Variants in AGBL4 observed in about 807,000 individuals in gnomAD.
The protein encoded by AGBL4 is cytosolic carboxypeptidase 6.
A neutral mutation model predicts 66.4 loss-of-function variants in AGBL4; 58 were observed. The observed-to-expected ratio is 0.87, with a 90% CI of 0.71 to 1.09. The LOEUF is 1.09. Among genes scored for constraint, AGBL4 ranks in the 50% least tolerant of loss-of-function variants. The pLI is 0.00. For missense variants in AGBL4, 579 were observed against 631.0 expected (o/e 0.92, Z 0.88); for synonymous variants, 234 against 222.9 (o/e 1.05, Z -0.44).
intron 3 of AGBL4, among the ~76,000 whole-genome samples, chr1:49,685,860 G>A (rs1196247400): frequency 4.6e-5 from 7 of 152,140 alleles, no homozygotes. Context: ...TGTTTACACT[G>A]CTGATGGTGT....
At chr1:49,621,225 T>C (rs1645354264) in intron 3 of AGBL4, among the ~76,000 whole-genome samples, 1 of 152,184 alleles carries the variant, frequency 6.6e-6, no homozygotes, top group Non-Finnish European at 1.5e-5. Flanking sequence ...AAGGGTACAC[T>C]CACCAGCAGT....
chr1:48,594,751 T>C (rs759096442), intron 9 of AGBL4, among the ~76,000 whole-genome samples: 1 of 152,180 alleles, frequency 6.6e-6, no homozygotes, highest in African/African-American at 2.4e-5. Flanking sequence ...ATTTATTGAA[T>C]TGTGCATCTC....
chr1:49,364,768 G>A (rs980542167), intron 3 of AGBL4, among the ~76,000 whole-genome samples: 1 of 152,162 alleles, frequency 6.6e-6, no homozygotes, highest in Admixed American at 6.6e-5. Flanking sequence ...GTGAGCCACC[G>A]TGCCGGGCCC....
At chr1:49,493,764 T>C (rs1647281065) in intron 3 of AGBL4, among the ~76,000 whole-genome samples, 2 of 152,026 alleles carry the variant, frequency 1.3e-5, no homozygotes, top group Non-Finnish European at 2.9e-5. Context: ...TTTGAATTGT[T>C]TTTGTATCAT....
At chr1:49,461,086 G>A (rs1017606631) in intron 3 of AGBL4, among the ~76,000 whole-genome samples, 3 of 151,540 alleles carry the variant, frequency 2.0e-5, no homozygotes, top group African/African-American at 7.3e-5. Flanking sequence ...AGGTGATGAT[G>A]TTTTTGCAAC....
intron 2 of AGBL4, among the ~76,000 whole-genome samples, chr1:49,750,799 C>G (rs1651396086): frequency 6.6e-6 from 1 of 152,106 alleles, no homozygotes; most frequent in African/African-American, 2.4e-5. Flanking sequence ...TGAACAAGTT[C>G]TTCATATCCC....
intron 1 of AGBL4, among the ~76,000 whole-genome samples, chr1:49,937,226 A>ACCC (rs979433358): frequency 1.3e-5 from 2 of 152,178 alleles, no homozygotes; most frequent in African/African-American, 4.8e-5. Flanking sequence ...ACCAACAAAG[A>ACCC]TCAAAAGAGA....
chr1:48,565,990 G>A (rs1644470789), intron 11 of AGBL4, among the ~76,000 whole-genome samples: 1 of 152,038 alleles, frequency 6.6e-6, no homozygotes, highest in African/African-American at 2.4e-5. Context: ...TAGACCACTG[G>A]TCTAGGATAA....
At chr1:48,810,997 G>GCGTGGAA (rs1646036312) in intron 6 of AGBL4, among the ~76,000 whole-genome samples, 1 of 152,138 alleles carries the variant, frequency 6.6e-6, no homozygotes, top group African/African-American at 2.4e-5. Context: ...AACTGATCCT[G>GCGTGGAA]CGTGGAGGCC....
intron 4 of AGBL4, among the ~76,000 whole-genome samples, chr1:49,117,932 T>G (rs1645564671): frequency 6.6e-6 from 1 of 152,218 alleles, no homozygotes; most frequent in Non-Finnish European, 1.5e-5. Flanking sequence ...AAGAGGTCCT[T>G]CACATCCCTT....
intron 2 of AGBL4, among the ~76,000 whole-genome samples, chr1:49,760,818 A>C (rs1652251423): frequency 6.6e-6 from 1 of 152,210 alleles, no homozygotes; most frequent in Non-Finnish European, 1.5e-5. Flanking sequence ...TGATACATAC[A>C]CACCATCAAA....
At chr1:48,884,354 G>C (rs374719820) in intron 5 of AGBL4, among the ~76,000 whole-genome samples, 6 of 149,596 alleles carry the variant, frequency 4.0e-5, no homozygotes, top group African/African-American at 1.5e-4. Flanking sequence ...CCAGACCAAG[G>C]ATTCAAACCC....
At chr1:49,693,514 G>A (rs1165233958) in intron 3 of AGBL4, among the ~76,000 whole-genome samples, 1 of 152,006 alleles carries the variant, frequency 6.6e-6, no homozygotes, top group Non-Finnish European at 1.5e-5. Context: ...ATTTAATTAT[G>A]CTCCACGATA....
At chr1:49,910,199 T>TCAA (rs1008233815) in intron 1 of AGBL4, among the ~76,000 whole-genome samples, 3 of 152,044 alleles carry the variant, frequency 2.0e-5, no homozygotes, top group African/African-American at 4.8e-5. Context: ...AAGTGAAACA[T>TCAA]CAACAACAAC....
intron 3 of AGBL4, among the ~76,000 whole-genome samples, chr1:49,683,131 T>A (rs1165198538): frequency 6.6e-6 from 1 of 152,122 alleles, no homozygotes; most frequent in African/African-American, 2.4e-5. Context: ...TAGGTGCATT[T>A]TCAATTAAAA....
At chr1:48,803,600 A>G (rs1221677278) in intron 6 of AGBL4, among the ~76,000 whole-genome samples, 2 of 152,244 alleles carry the variant, frequency 1.3e-5, no homozygotes, top group Non-Finnish European at 2.9e-5. Flanking sequence ...GGAATTACAA[A>G]ATTCTGGGGA....
intron 3 of AGBL4, among the ~76,000 whole-genome samples, chr1:49,531,740 A>G (rs1309308635): frequency 6.6e-6 from 1 of 152,120 alleles, no homozygotes; most frequent in East Asian, 1.9e-4. Context: ...TCAAGAGATG[A>G]GAGCAGATCT....
At chr1:49,873,235 G>T (rs1646882509) in intron 1 of AGBL4, among the ~76,000 whole-genome samples, 2 of 151,050 alleles carry the variant, frequency 1.3e-5, no homozygotes, top group African/African-American at 4.9e-5. Flanking sequence ...TTTTTTCTTT[G>T]TGGGTACATG....
intron 6 of AGBL4, among the ~76,000 whole-genome samples, chr1:48,702,117 A>C (rs1187142419): frequency 6.6e-6 from 1 of 152,154 alleles, no homozygotes; most frequent in Non-Finnish European, 1.5e-5. Flanking sequence ...AAAACACTTT[A>C]CTTCCTGCAT....
Sources: allele counts gnomAD v4.1 joint callset (sites outside exome capture counted in the v4.1 genomes callset), GRCh38; gene constraint gnomAD v4.1.1; transcripts MANE v1.5; gene names NCBI Gene and HGNC (gene_info 2026-07-23, HGNC 2026-07-21).